ANKRD33B: variants seen among roughly 807,000 people sequenced by gnomAD.
The protein encoded by ANKRD33B is ankyrin repeat domain 33B.
ANKRD33B carries 6 observed loss-of-function variants against 21.5 expected under a neutral mutation model. The ratio of observed to expected loss-of-function variants is 0.28; its 90% CI spans 0.15 to 0.55. The LOEUF is 0.55. Ranked by LOEUF, ANKRD33B falls within the 20% of genes least tolerant of loss-of-function variation. The pLI is 0.94. For missense variants in ANKRD33B, 698 were observed against 747.2 expected, an observed-to-expected ratio of 0.93 and a Z score of 0.77; for synonymous variants, 347 against 342.4, an observed-to-expected ratio of 1.01 and a Z score of -0.15.
chr5:10,643,725 C>T (rs1737118746), intron 3 of ANKRD33B, among the ~76,000 whole-genome samples: 1 of 145,580 alleles, frequency 6.9e-6, no homozygotes, highest in Non-Finnish European at 1.5e-5. Context: ...GAGGCTGAGG[C>T]AAGAGAATCG....
At chr5:10,570,921 T>TTTG (rs1553990142) in intron 1 of ANKRD33B, among the ~76,000 whole-genome samples, 4 of 135,730 alleles carry the variant, frequency 2.9e-5, no homozygotes, top group African/African-American at 5.4e-5. Context: ...TTTTTTTTTT[T>TTTG]GTCAATTAGG....
At chr5:10,597,713 C>A (rs1205941202) in intron 1 of ANKRD33B, among the ~76,000 whole-genome samples, 1 of 152,160 alleles carries the variant, frequency 6.6e-6, no homozygotes, top group African/African-American at 2.4e-5. Context: ...GACTCTCCAC[C>A]CTAAAACAAC....
At chr5:10,639,102 C>G (rs369190406) in intron 3 of ANKRD33B, among the ~76,000 whole-genome samples, 466 of 6,854 alleles carry the variant, frequency 0.068, 2 homozygotes, top group Non-Finnish European at 0.086. Context: ...CGATGTTAGG[C>G]GGTGACGCGG....
chr5:10,572,630 G>A (rs865890531), intron 1 of ANKRD33B, among the ~76,000 whole-genome samples: 7 of 152,224 alleles, frequency 4.6e-5, no homozygotes, highest in African/African-American at 1.2e-4. Flanking sequence ...ATGCCGCAGC[G>A]TTAGTGTCAG....
intron 1 of ANKRD33B, among the ~76,000 whole-genome samples, chr5:10,612,927 C>T (rs1380367284): frequency 5.9e-5 from 9 of 152,202 alleles, no homozygotes; most frequent in Non-Finnish European, 1.2e-4. Context: ...TAGACATCTC[C>T]CCCGACCTAT....
At chr5:10,572,818 T>C (rs1366274179) in intron 1 of ANKRD33B, among the ~76,000 whole-genome samples, 1 of 152,178 alleles carries the variant, frequency 6.6e-6, no homozygotes, top group Non-Finnish European at 1.5e-5. Flanking sequence ...TCCATGCCTC[T>C]CCCAGCTGGA....
intron 1 of ANKRD33B, among the ~76,000 whole-genome samples, chr5:10,600,114 A>AT (rs1235400044): frequency 1.3e-5 from 2 of 152,170 alleles, no homozygotes; most frequent in African/African-American, 4.8e-5. Flanking sequence ...GATGTTGAGC[A>AT]TTTTTTCACA....
chr5:10,649,832 C>T lies in ANKRD33B; in HGVS notation c.1204C>T (p.Arg402Trp), dbSNP rs1477761329. ...GSRGPAAPAP[R>W]KASLLPLQRL... ...CCGGGGCCCCGCAGCGCCCGCCCCG[C>T]GGAAGGCCAGCCTCCTGCCCCTGCA... Residue 402 changes from arginine to tryptophan, a missense_variant, in exon 4 of 4, where the codon CGG (arginine) becomes TGG (tryptophan). By Grantham distance (101) the Arg-to-Trp change is moderately radical. Around this residue, in one of 3 missense-constraint regions of ANKRD33B, gnomAD observed 543 missense variants for 566.5 expected, o/e 0.96. Transcript: ENST00000296657. 2.9e-6 allele frequency: 4 copies of T among 1,392,876 alleles called. No homozygotes were observed. The highest frequency in any genetic ancestry group is 1.5e-5 in the South Asian group (1 of 65,512). 86.3% of individuals were successfully genotyped at this position (1,392,876 alleles called of 1,614,324 possible).
chr5:10,633,114 TCTTTTTGA>T (rs1736768690), intron 2 of ANKRD33B, among the ~76,000 whole-genome samples: 1 of 57,316 alleles, frequency 1.7e-5, no homozygotes, highest in African/African-American at 5.9e-5. Flanking sequence ...TTTTTTTTTT[TCTTTTTGA>T]GATGGGGTCT....
At chr5:10,607,653 C>A (rs1736079004) in intron 1 of ANKRD33B, among the ~76,000 whole-genome samples, 4 of 152,198 alleles carry the variant, frequency 2.6e-5, no homozygotes, top group Admixed American at 2.6e-4. Context: ...CACAGACCGT[C>A]GCCCATACTT....
intron 2 of ANKRD33B, among the ~76,000 whole-genome samples, chr5:10,635,969 GT>G (rs1736851435): frequency 6.6e-6 from 1 of 152,238 alleles, no homozygotes; most frequent in African/African-American, 2.4e-5. Context: ...TGCTCACGTA[GT>G]ATTCTGTCTG....
At chr5:10,605,245 G>A (rs1331552534) in intron 1 of ANKRD33B, among the ~76,000 whole-genome samples, 1 of 152,198 alleles carries the variant, frequency 6.6e-6, no homozygotes, top group African/African-American at 2.4e-5. Flanking sequence ...GGCCTTGGAA[G>A]GCACACACCA....
intron 3 of ANKRD33B, among the ~76,000 whole-genome samples, chr5:10,641,490 A>G (rs984177884): frequency 4.6e-5 from 7 of 151,440 alleles, no homozygotes; most frequent in Non-Finnish European, 1.0e-4. Flanking sequence ...TAGCCTCCCA[A>G]AGTTCTGGGA....
chr5:10,568,279 T>C (rs1735102700), intron 1 of ANKRD33B, among the ~76,000 whole-genome samples: 1 of 152,260 alleles, frequency 6.6e-6, no homozygotes, highest in Non-Finnish European at 1.5e-5. Flanking sequence ...ATGGTTGTTT[T>C]GTTCCTTCTG....
At chr5:10,572,550 G>C (rs1457171990) in intron 1 of ANKRD33B, among the ~76,000 whole-genome samples, 1 of 152,248 alleles carries the variant, frequency 6.6e-6, no homozygotes, top group African/African-American at 2.4e-5. Context: ...GGTGGAGCCA[G>C]GAGGCAGTTC....
At chr5:10,596,497 T>C (rs1278874135) in intron 1 of ANKRD33B, among the ~76,000 whole-genome samples, 1 of 152,204 alleles carries the variant, frequency 6.6e-6, no homozygotes, top group Non-Finnish European at 1.5e-5. Flanking sequence ...AAGGACATGG[T>C]CTTGTTCCTT....
At chr5:10,614,469 C>T (rs946308990) in intron 1 of ANKRD33B, among the ~76,000 whole-genome samples, 5 of 152,240 alleles carry the variant, frequency 3.3e-5, no homozygotes, top group African/African-American at 1.2e-4. Flanking sequence ...TGCCATCTCA[C>T]TGTCTTGCCC....
At position 10,619,500 on chromosome 5, in the gene ANKRD33B, C is replaced by A; in HGVS notation, c.496+1038C>A. On this transcript the variant is annotated intron_variant, in intron 2 of 3. Coordinates refer to ENST00000296657, the MANE Select transcript of ANKRD33B (RefSeq NM_001164440.2). This position sits in a 1 kb window ranked among gnomAD's most constrained non-coding sequence, Gnocchi z 4.5. ...TGGGTGGATCTGATGGGTGGGGGGC[C>A]AGGGAGGCTGGAAAACCAGTGTTTG... 2.0e-6 allele frequency: 1 copy of A among 503,004 alleles called. No homozygotes were observed. Among genetic ancestry groups the A allele is most frequent in the Non-Finnish European group, 2.6e-6 (1 of 389,446 alleles). The allele number at this position is 503,004 out of a possible 1,614,324, so 31.2% of individuals were successfully genotyped here.
In ANKRD33B at chr5:10,650,140, GGGGCT is replaced by G; in HGVS notation, c.*31_*35del. The G allele has an allele frequency of 1.3e-6, 1 of 744,612 alleles. No homozygotes were observed. Among genetic ancestry groups the G allele is most frequent in the Non-Finnish European group, 1.8e-6 (1 of 556,118 alleles). The allele number at this position is 744,612 out of a possible 1,614,324, so 46.1% of individuals were successfully genotyped here. ...GGCCCGTGTGCCTGGCGCTGGGGCC[GGGGCT>G]GGGGCCGGGGCGGGGCCGCAGGGCT... is the stretch of plus-strand genomic sequence containing the variant. On this transcript the variant is annotated 3_prime_UTR_variant, in exon 4 of 4. Transcript: ENST00000296657.
Sources: gnomAD v4.1 joint callset for allele counts (sites outside exome capture counted in the v4.1 genomes callset) on GRCh38, gnomAD v4.1.1 for gene constraint, gnomAD v4.1.1 regional missense constraint, Gnocchi (gnomAD v3.1) non-coding constraint, MANE v1.5 for transcripts, NCBI Gene and HGNC (gene_info 2026-07-23, HGNC 2026-07-21) for gene names.